STRAP: variants seen among roughly 807,000 people sequenced by gnomAD.
STRAP encodes the protein serine-threonine kinase receptor-associated protein.
In STRAP, 16 loss-of-function variants were observed where a neutral mutation model predicts 47.0. The observed-to-expected ratio is 0.34, with a 90% CI of 0.23 to 0.52. The LOEUF is 0.52. STRAP is among the 20% of genes least tolerant of loss of function. STRAP has a pLI of 0.96. For synonymous variants in STRAP, 130 were observed against 142.7 expected, an observed-to-expected ratio of 0.91 and a Z score of 0.63; for missense variants, 293 against 420.0, an observed-to-expected ratio of 0.70 and a Z score of 2.64.
At position 15,895,484 on chromosome 12, in the gene STRAP, A is replaced by G. The variant is rs1948052408; in HGVS notation, c.626A>G (p.His209Arg). 6.2e-7 allele frequency: 1 copy of G among 1,604,316 alleles called. No homozygotes were observed. Reference sequence around the variant, plus strand: ...ACTTATGGACGATCTATTGCTTTTCATAGTGCAGTAAGGTATGTCCAAGAA... The same window carrying G: ...ACTTATGGACGATCTATTGCTTTTCGTAGTGCAGTAAGGTATGTCCAAGAA... ...VITYGRSIAF[H>R]SAVSLDPIKS... Residue 209 changes from histidine to arginine, a missense_variant, in exon 6 of 10, where the codon CAT becomes CGT. Around this residue, in one of 5 missense-constraint regions of STRAP, gnomAD observed 152 missense variants for 183.0 expected, o/e 0.83. Coordinates refer to ENST00000419869, the MANE Select transcript of STRAP (RefSeq NM_007178.4).
At position 15,895,375 on chromosome 12, in the gene STRAP, A is replaced by G. The variant is rs753260309; in HGVS notation, c.517A>G (p.Thr173Ala). 6 of 1,589,330 alleles carry G rather than the reference A, an allele frequency of 3.8e-6. No homozygotes were observed. The South Asian group carries it at 4.7e-5, about 12-fold the overall frequency. The change falls in exon 6 of 10, where the codon ACT becomes GCT. Residue 173 changes from threonine to alanine, a missense_variant. Coordinates refer to ENST00000419869, the MANE Select transcript of STRAP (RefSeq NM_007178.4). ...DKTVRLWDHA[T>A]MTEVKSLNFN... is the part of the protein sequence containing the mutation. The stretch of plus-strand genomic sequence containing the variant: ...ATTTTGCAGACTTTGGGATCATGCT[A>G]CTATGACAGAAGTGAAATCTCTAAA...
At position 15,899,960 on chromosome 12, in the gene STRAP, G is replaced by A; in HGVS notation, c.832G>A (p.Glu278Lys). 1 of 1,613,636 alleles carries A rather than the reference G, an allele frequency of 6.2e-7. No individual in the cohort carries two copies. Among genetic ancestry groups the A allele is most frequent in the Non-Finnish European group, 8.5e-7 (1 of 1,179,784 alleles). ...CTGTGTGAGATTTAGTCCTGATGGA[G>A]AACTCTATGCCAGTGGTTCAGAAGA... ...IHCVRFSPDG[E>K]LYASGSEDGT... The change falls in exon 8 of 10, where the codon GAA (glutamate) becomes AAA (lysine). Residue 278 changes from glutamate to lysine, a missense_variant. Physicochemically the swap from Glu to Lys is moderately conservative, Grantham distance 56. This residue lies in a region of STRAP where 26 missense variants were observed against 76.7 expected (regional missense o/e 0.34). Coordinates refer to ENST00000419869, the MANE Select transcript of STRAP (RefSeq NM_007178.4).
chr12:15,901,317 G>C (rs1254005405), intron 9 of STRAP, among the ~76,000 whole-genome samples: 2 of 152,136 alleles, frequency 1.3e-5, no homozygotes, highest in African/African-American at 4.8e-5. Context: ...ATTAAAAAAA[G>C]CTTCCTAGAG....
At position 15,888,173 on chromosome 12, in the gene STRAP, G is replaced by A. The variant is rs570846724; in HGVS notation, c.249-1755G>A. Among the ~76,000 whole-genome samples, 25 of 152,304 alleles carry A rather than the reference G, an allele frequency of 1.6e-4. No individual in the cohort carries two copies. The South Asian group carries it at 5.2e-3, about 32-fold the overall frequency. ...GATAAATAGTTTCAAAGAAAAGATA[G>A]CATTTGAAATGAGCCCTAAGGGTGA... On this transcript the variant is annotated intron_variant, in intron 2 of 9. Transcript: ENST00000419869.
chr12:15,882,900 G>C (rs1947935205), intron 1 of STRAP, 81 bp downstream of exon 1: 1 of 1,464,826 alleles, frequency 6.8e-7, no homozygotes, highest in Non-Finnish European at 9.4e-7. Flanking sequence ...CAGTGCCGAA[G>C]CGGTGGTGTG....
At position 15,895,388 on chromosome 12, in the gene STRAP, T is replaced by C. The variant is rs1435755350; in HGVS notation, c.530T>C (p.Val177Ala). Residue 177 changes from valine (V) to alanine (A), a missense_variant, in exon 6 of 10, where the codon GTG becomes GCG. By Grantham distance (64) the Val-to-Ala change is moderately conservative. Around this residue, in one of 5 missense-constraint regions of STRAP, gnomAD observed 152 missense variants for 183.0 expected, o/e 0.83. Coordinates refer to ENST00000419869, the MANE Select transcript of STRAP (RefSeq NM_007178.4). The stretch of plus-strand genomic sequence containing the variant: ...TGGGATCATGCTACTATGACAGAAG[T>C]GAAATCTCTAAATTTTAATATGTCT... The part of the protein sequence containing the change: ...RLWDHATMTE[V>A]KSLNFNMSVS... The C allele has an allele frequency of 1.3e-6, 2 of 1,594,694 alleles. No homozygotes were observed. Among genetic ancestry groups the C allele is most frequent in the Non-Finnish European group, 1.7e-6 (2 of 1,174,658 alleles).
intron 1 of STRAP, 173 bp downstream of exon 1, chr12:15,882,992 C>A: frequency 1.4e-6 from 2 of 1,452,180 alleles, no homozygotes; most frequent in South Asian, 1.2e-5. Flanking sequence ...TTAGGGAATC[C>A]GCAGCTGGAG....
In STRAP at chr12:15,903,103, T is replaced by C. The variant is rs564325114; in HGVS notation, c.*125T>C. 6 of 1,072,662 alleles carry C rather than the reference T, an allele frequency of 5.6e-6. No homozygotes were observed. In the East Asian group the frequency reaches 1.3e-4, roughly 24 times the overall value. The allele number at this position is 1,072,662 out of a possible 1,614,324, so 66.4% of individuals were successfully genotyped here. On this transcript the variant is annotated 3_prime_UTR_variant, in exon 10 of 10. Coordinates refer to ENST00000419869, the MANE Select transcript of STRAP (RefSeq NM_007178.4). ...GCAGTAAATAATGAGGAAAATGAAT[T>C]AGCTCCAGTGCTGGAACAACTAACT...
chr12:15,892,004 A>G (rs956993039), intron 4 of STRAP, among the ~76,000 whole-genome samples: 6 of 152,226 alleles, frequency 3.9e-5, no homozygotes, highest in African/African-American at 1.4e-4. Flanking sequence ...GTCTTCCAAC[A>G]AAGTATGGGT....
At position 15,901,559 on chromosome 12, in the gene STRAP, C is replaced by T. The variant is rs75034461; in HGVS notation, c.991+547C>T. Among the ~76,000 whole-genome samples, 1,511 of 152,200 alleles carry T rather than the reference C, an allele frequency of 9.9e-3. 28 individuals carry two copies. The highest frequency in any genetic ancestry group is 0.034 in the African/African-American group (1,408 of 41,508). On this transcript the variant is annotated intron_variant, in intron 9 of 9. Transcript: ENST00000419869. ...CTGGAGAAGCTAGATCATCTGAGGG[C>T]CTCATTTGCTGTATTAGGACTTGGA...
Position 15,882,702 on chromosome 12 carries a change from G to T in STRAP, c.-6G>T. ...CGCCAGTCCGGTCGCTGGCTTCGCC[G>T]CCGCCATGGCAATGAGACAGACGCC... On this transcript the variant is annotated 5_prime_UTR_variant, in exon 1 of 10. Transcript: ENST00000419869. 6.3e-7 allele frequency: 1 copy of T among 1,591,200 alleles called. No individual in the cohort carries two copies.
chr12:15,898,878 G>A (rs79239504), intron 7 of STRAP, among the ~76,000 whole-genome samples: 29 of 152,256 alleles, frequency 1.9e-4, no homozygotes, highest in Non-Finnish European at 3.5e-4. Context: ...ACAATTTTAC[G>A]TTTTGTTTCT....
chr12:15,890,081 A>T lies in STRAP; in HGVS notation c.330+72A>T. The T allele has an allele frequency of 1.6e-6, 2 of 1,257,704 alleles. No homozygotes were observed. The highest frequency in any genetic ancestry group is 2.4e-5 in the South Asian group (2 of 82,220). 77.9% of individuals were successfully genotyped at this position (1,257,704 alleles called of 1,614,324 possible). A position where few individuals can be genotyped will look rare whatever the true frequency, so the allele number is the denominator to read the frequency against. Reference sequence around the variant, plus strand: ...TAGTGTGATAATGCTTTTATACTTGATTGGTGTGTATATTTGATTGATATG... The same window carrying T: ...TAGTGTGATAATGCTTTTATACTTGTTTGGTGTGTATATTTGATTGATATG... On this transcript the variant is annotated intron_variant, in intron 3 of 9. Coordinates refer to ENST00000419869, the MANE Select transcript of STRAP (RefSeq NM_007178.4). The surrounding 1 kb of genome is among the most constrained non-coding windows in gnomAD (Gnocchi z 4.5).
chr12:15,885,187 T>TG (rs1947959197), intron 2 of STRAP, among the ~76,000 whole-genome samples: 1 of 147,378 alleles, frequency 6.8e-6, no homozygotes, highest in Admixed American at 6.7e-5. Flanking sequence ...GGTGTTTTTT[T>TG]TTTTTTTTTT....
At chr12:15,889,657 T>C (rs1178431066) in intron 2 of STRAP, among the ~76,000 whole-genome samples, 2 of 152,170 alleles carry the variant, frequency 1.3e-5, no homozygotes, top group Non-Finnish European at 2.9e-5. Flanking sequence ...GAATCTTACT[T>C]GCTTAAATTG....
At chr12:15,895,310 A>G (rs1439462626) in intron 5 of STRAP, 49 bp from the exon 6 acceptor site, 6 of 1,389,528 alleles carry the variant, frequency 4.3e-6, no homozygotes, top group African/African-American at 3.0e-5. Context: ...GAATTTATAA[A>G]CTTTTTTCTT....
In STRAP at chr12:15,895,470, A is replaced by T; in HGVS notation, c.612A>T (p.Arg204=). ...AGATTTTGGTTATAACTTATGGACG[A>T]TCTATTGCTTTTCATAGTGCAGTAA... ...EGEILVITYG[R]SIAFHSAVSL... The change falls in exon 6 of 10, where the codon CGA becomes CGT. Residue 204 remains arginine, a synonymous_variant. Coordinates refer to ENST00000419869, the MANE Select transcript of STRAP (RefSeq NM_007178.4). The T allele has an allele frequency of 6.2e-7, 1 of 1,606,764 alleles. No homozygotes were observed. The highest frequency in any genetic ancestry group is 1.1e-5 in the South Asian group (1 of 89,028).
At chr12:15,884,132 G>C (rs989167677) in intron 2 of STRAP, among the ~76,000 whole-genome samples, 1 of 152,056 alleles carries the variant, frequency 6.6e-6, no homozygotes, top group African/African-American at 2.4e-5. Context: ...TCAGCTGCTC[G>C]TCATTTCCTA....
intron 8 of STRAP, 173 bp from the exon 9 acceptor site, chr12:15,900,770 ATTTT>A: frequency 2.2e-6 from 1 of 445,578 alleles, no homozygotes. Context: ...CCTAAAAGTA[ATTTT>A]AAAGAAAGAC....
Sources: allele counts gnomAD v4.1 joint callset (sites outside exome capture counted in the v4.1 genomes callset), GRCh38; gene constraint gnomAD v4.1.1; regional missense constraint gnomAD v4.1.1; non-coding constraint Gnocchi (gnomAD v3.1); transcripts MANE v1.5; gene names NCBI Gene and HGNC (gene_info 2026-07-23, HGNC 2026-07-21).